Variants in MAP4K5 observed in about 807,000 individuals in gnomAD.
MAP4K5 encodes the protein mitogen-activated protein kinase kinase kinase kinase 5.
In MAP4K5, 82 loss-of-function variants were observed where a neutral mutation model predicts 135.6. The ratio of observed to expected loss-of-function variants is 0.60; its 90% CI spans 0.51 to 0.73. The LOEUF (loss-of-function observed/expected upper bound fraction) is 0.73, where lower values mean the gene tolerates loss of function less well. MAP4K5 is among the 30% of genes least tolerant of loss of function. The probability of loss-of-function intolerance (pLI) is 0.00; values close to 1 mark genes in which losing one functional copy is unlikely to be tolerated. For missense variants in MAP4K5, 907 were observed against 1,010.9 expected (o/e 0.90, Z 1.39); for synonymous variants, 347 against 335.0 (o/e 1.04, Z -0.39).
At chr14:50,481,137 A>G (rs2037233132) in intron 6 of MAP4K5, among the ~76,000 whole-genome samples, 1 of 151,636 alleles carries the variant, frequency 6.6e-6, no homozygotes, top group Non-Finnish European at 1.5e-5. Context: ...TTTAGAAATT[A>G]AAATACAAAG....
chr14:50,556,310 G>A (rs1160941612), intron 1 of MAP4K5, among the ~76,000 whole-genome samples: 1 of 152,052 alleles, frequency 6.6e-6, no homozygotes, highest in African/African-American at 2.4e-5. Flanking sequence ...TGAACTCCTG[G>A]GCTCAAGGGA....
chr14:50,524,393 G>A (rs1441844097), intron 2 of MAP4K5, among the ~76,000 whole-genome samples: 1 of 151,958 alleles, frequency 6.6e-6, no homozygotes, highest in African/African-American at 2.4e-5. Flanking sequence ...ACTCCTTCAA[G>A]GCATATTTAT....
chr14:50,513,230 A>C (rs939516933), intron 2 of MAP4K5, among the ~76,000 whole-genome samples: 1 of 152,150 alleles, frequency 6.6e-6, no homozygotes, highest in African/African-American at 2.4e-5. Flanking sequence ...TTCATCTCTT[A>C]ATTCATATTT....
chr14:50,427,190 A>C (rs2035865791), intron 30 of MAP4K5, among the ~76,000 whole-genome samples: 1 of 152,190 alleles, frequency 6.6e-6, no homozygotes, highest in South Asian at 2.1e-4. Context: ...AACAATTAAA[A>C]TTACGAAGAT....
intron 1 of MAP4K5, among the ~76,000 whole-genome samples, chr14:50,550,192 C>T (rs1026149764): frequency 1.3e-5 from 2 of 152,200 alleles, no homozygotes; most frequent in Non-Finnish European, 2.9e-5. Flanking sequence ...ATAGGCAAGG[C>T]TGGAAGCTTA....
chr14:50,515,802 A>T (rs2038022976), intron 2 of MAP4K5, among the ~76,000 whole-genome samples: 2 of 152,280 alleles, frequency 1.3e-5, no homozygotes, highest in South Asian at 4.1e-4. Context: ...ATGGAACTGC[A>T]TCTTTTCTTT....
chr14:50,476,435 A>G (rs544861235), intron 6 of MAP4K5, 129 bp from the exon 7 acceptor site: 1 of 486,574 alleles, frequency 2.1e-6, no homozygotes, highest in East Asian at 3.5e-5. Context: ...AAAAACCTAG[A>G]TAAGTAAATC....
chr14:50,490,091 GAGAGAGAGACAGAC>G (rs1042223669), intron 3 of MAP4K5, among the ~76,000 whole-genome samples: 11 of 149,772 alleles, frequency 7.3e-5, no homozygotes, highest in Admixed American at 4.0e-4. Context: ...GTGTGTGTGA[GAGAGAGAGACAGAC>G]AGAGAGAGAC....
intron 14 of MAP4K5, among the ~76,000 whole-genome samples, chr14:50,454,304 G>C (rs1350138165): frequency 2.6e-5 from 4 of 152,132 alleles, no homozygotes; most frequent in Non-Finnish European, 5.9e-5. Flanking sequence ...GATTGTGAAG[G>C]CTCTCGTGAG....
In MAP4K5 at chr14:50,429,177, A is replaced by T; in HGVS notation, c.2233+15T>A. 5 of 1,454,556 alleles carry T rather than the reference A, an allele frequency of 3.4e-6. No individual in the cohort carries two copies. The highest frequency in any genetic ancestry group is 2.7e-5 in the South Asian group (2 of 75,238). The allele number at this position is 1,454,556 out of a possible 1,614,324, so 90.1% of individuals were successfully genotyped here. On this transcript the variant is annotated intron_variant, in intron 29 of 32. Coordinates refer to ENST00000682126, the MANE Select transcript of MAP4K5 (RefSeq NM_006575.6). ...CAAGTAGTATACTCAAAATAAAATT[A>T]AAAATAGTACTTACTGTCTAAACAC...
chr14:50,509,981 T>G lies in MAP4K5; in HGVS notation c.109-5124A>C, dbSNP rs541802536. Among the ~76,000 whole-genome samples, 5 of 152,296 alleles carry G rather than the reference T, an allele frequency of 3.3e-5. No individual in the cohort carries two copies. In the East Asian group the frequency reaches 9.6e-4, roughly 29 times the overall value. ...TCACAAATTGTGACGGTTGAAAAAT[T>G]CAAGATTATACATTTCAGGTAAAGA... On this transcript the variant is annotated intron_variant, in intron 2 of 32. Transcript: ENST00000682126.
intron 3 of MAP4K5, among the ~76,000 whole-genome samples, chr14:50,492,608 AAT>A (rs2037508461): frequency 6.7e-6 from 1 of 149,142 alleles, no homozygotes; most frequent in Admixed American, 6.7e-5. Flanking sequence ...AAAAAAAAAA[AAT>A]TTGCTCACGA....
intron 2 of MAP4K5, among the ~76,000 whole-genome samples, chr14:50,512,521 T>A (rs549792413): frequency 6.6e-6 from 1 of 152,224 alleles, no homozygotes; most frequent in East Asian, 1.9e-4. Flanking sequence ...AAACTACAGC[T>A]CCCGCTGATA....
chr14:50,530,106 T>TGTGAGGAAGCAACATTGTGAGGG (rs2038354570), intron 2 of MAP4K5, among the ~76,000 whole-genome samples: 6 of 151,978 alleles, frequency 3.9e-5, no homozygotes, highest in Non-Finnish European at 7.4e-5. Flanking sequence ...TACATGTAAG[T>TGTGAGGAAGCAACATTGTGAGGG]GTGAGGAAGC....
At chr14:50,522,848 T>G (rs1429086438) in intron 2 of MAP4K5, among the ~76,000 whole-genome samples, 2 of 152,228 alleles carry the variant, frequency 1.3e-5, no homozygotes, top group Non-Finnish European at 2.9e-5. Flanking sequence ...ATCTATTTTT[T>G]ATTACCTTCA....
At chr14:50,420,181 A>G (rs1566627788) in intron 32 of MAP4K5, 75 bp from the exon 33 acceptor site, 2 of 789,452 alleles carry the variant, frequency 2.5e-6, no homozygotes, top group Non-Finnish European at 4.5e-6. Context: ...TCAAACTAGG[A>G]AAGAATATCA....
chr14:50,430,233 T>C (rs1429580667), intron 28 of MAP4K5, among the ~76,000 whole-genome samples: 2 of 152,174 alleles, frequency 1.3e-5, no homozygotes, highest in Admixed American at 6.5e-5. Context: ...CAAAATGTCA[T>C]CTAGGTTACC....
rs2037876042 is a variant in MAP4K5 at position 50,509,125 on chromosome 14, CA to C, written c.109-4269del. Among the ~76,000 whole-genome samples the C allele has an allele frequency of 2.0e-5, 3 of 151,558 alleles. No homozygotes were observed. In the South Asian group the frequency reaches 6.3e-4, roughly 32 times the overall value. ...GAAACCATCATTCTGAGCAAACTAT[CA>C]CAAGGACAGAAAACCAAACACCACA... is the stretch of plus-strand genomic sequence containing the variant. On this transcript the variant is annotated intron_variant, in intron 2 of 32. Coordinates refer to ENST00000682126, the MANE Select transcript of MAP4K5 (RefSeq NM_006575.6).
intron 20 of MAP4K5, among the ~76,000 whole-genome samples, 181 bp from the exon 21 acceptor site, chr14:50,442,997 T>C (rs2036261908): frequency 6.6e-6 from 1 of 152,174 alleles, no homozygotes; most frequent in African/African-American, 2.4e-5. Context: ...CAGTCTCATA[T>C]TCTTTCCTTT....
Sources: allele counts gnomAD v4.1 joint callset (sites outside exome capture counted in the v4.1 genomes callset), GRCh38; gene constraint gnomAD v4.1.1; transcripts MANE v1.5; gene names NCBI Gene and HGNC (gene_info 2026-07-23, HGNC 2026-07-21).